ADCY2: variants seen among roughly 807,000 people sequenced by gnomAD.
ADCY2 encodes the protein adenylate cyclase 2.
Under a neutral mutation model 125.2 loss-of-function variants are expected in ADCY2, and 31 were observed. The observed-to-expected ratio is 0.25, with a 90% CI of 0.19 to 0.33. The LOEUF (loss-of-function observed/expected upper bound fraction) is 0.33, where lower values mean the gene tolerates loss of function less well. Ranked by LOEUF, ADCY2 falls within the 10% of genes least tolerant of loss-of-function variation. The pLI is 1.00. For synonymous variants in ADCY2, 512 were observed against 548.4 expected (o/e 0.93, Z 0.93); for missense variants, 904 against 1,418.2 (o/e 0.64, Z 5.82).
chr5:7,591,116 T>C (rs1736838808), intron 3 of ADCY2, among the ~76,000 whole-genome samples: 1 of 152,208 alleles, frequency 6.6e-6, no homozygotes, highest in Admixed American at 6.5e-5. Context: ...ATTAGAATAG[T>C]TTATGGAATT....
At chr5:7,565,505 T>C (rs548158141) in intron 3 of ADCY2, among the ~76,000 whole-genome samples, 201 of 152,342 alleles carry the variant, frequency 1.3e-3, no homozygotes, top group Non-Finnish European at 2.2e-3. Context: ...GAGCCGCTTA[T>C]TTTCTCCAAC....
At chr5:7,775,707 G>A (rs1413824902) in intron 18 of ADCY2, among the ~76,000 whole-genome samples, 1 of 152,176 alleles carries the variant, frequency 6.6e-6, no homozygotes, top group African/African-American at 2.4e-5. Context: ...ATTTTTAAAT[G>A]TACAATTAAG....
chr5:7,626,456 A>T, intron 4 of ADCY2, 140 bp downstream of exon 4: 1 of 959,062 alleles, frequency 1.0e-6, no homozygotes, highest in South Asian at 1.7e-5. Flanking sequence ...GCACCTGGGG[A>T]GTGTCTTAGT....
chr5:7,679,467 C>A (rs186124739), intron 4 of ADCY2, among the ~76,000 whole-genome samples: 18 of 152,270 alleles, frequency 1.2e-4, no homozygotes, highest in African/African-American at 3.9e-4. Context: ...AAGACCCCCA[C>A]TGCAGAAGAG....
chr5:7,806,205 C>A (rs1744756666), intron 22 of ADCY2, among the ~76,000 whole-genome samples: 2 of 152,074 alleles, frequency 1.3e-5, no homozygotes, highest in African/African-American at 4.8e-5. Context: ...TTTAAATATT[C>A]TATTTATAAC....
chr5:7,442,030 A>G (rs1038178335), intron 2 of ADCY2, among the ~76,000 whole-genome samples: 3 of 152,164 alleles, frequency 2.0e-5, no homozygotes, highest in African/African-American at 7.2e-5. Context: ...TATTTCTGTG[A>G]TAGGACCCTG....
intron 4 of ADCY2, among the ~76,000 whole-genome samples, chr5:7,629,761 C>G (rs1304980009): frequency 2.0e-5 from 3 of 152,152 alleles, no homozygotes; most frequent in Non-Finnish European, 4.4e-5. Context: ...GCAGATGGCT[C>G]TTATCAGACC....
chr5:7,586,187 G>T (rs1433280208), intron 3 of ADCY2, among the ~76,000 whole-genome samples: 2 of 152,192 alleles, frequency 1.3e-5, no homozygotes, highest in Non-Finnish European at 2.9e-5. Context: ...GAAAGGGAAA[G>T]TAATGTACTT....
intron 3 of ADCY2, among the ~76,000 whole-genome samples, chr5:7,569,232 C>G (rs1187798425): frequency 6.6e-6 from 1 of 151,962 alleles, no homozygotes; most frequent in Non-Finnish European, 1.5e-5. Context: ...GGGATGGTTC[C>G]AAAGCAGAGG....
At chr5:7,525,140 C>T (rs1023839138) in intron 3 of ADCY2, among the ~76,000 whole-genome samples, 2 of 152,092 alleles carry the variant, frequency 1.3e-5, no homozygotes, top group Admixed American at 6.5e-5. Flanking sequence ...GTCGCTGGGA[C>T]TACAGGCACA....
intron 22 of ADCY2, among the ~76,000 whole-genome samples, chr5:7,812,412 T>C (rs1245287760): frequency 6.6e-6 from 1 of 152,178 alleles, no homozygotes; most frequent in Non-Finnish European, 1.5e-5. Flanking sequence ...CCTTGGTCGT[T>C]GTTAAAGCTG....
chr5:7,596,029 T>G (rs923295010), intron 3 of ADCY2, among the ~76,000 whole-genome samples: 2 of 151,142 alleles, frequency 1.3e-5, no homozygotes, highest in East Asian at 3.9e-4. Context: ...TGATGCTAGT[T>G]TAATATAATC....
At chr5:7,650,249 A>ACACAC (rs1561144887) in intron 4 of ADCY2, among the ~76,000 whole-genome samples, 1 of 87,806 alleles carries the variant, frequency 1.1e-5, no homozygotes, top group Non-Finnish European at 2.8e-5. Flanking sequence ...CACACACACA[A>ACACAC]ACGCACATTC....
intron 3 of ADCY2, among the ~76,000 whole-genome samples, chr5:7,531,105 T>C (rs925416005): frequency 6.6e-6 from 1 of 152,174 alleles, no homozygotes; most frequent in Non-Finnish European, 1.5e-5. Flanking sequence ...ATAGCAGCCT[T>C]TGAAAACCCT....
intron 3 of ADCY2, among the ~76,000 whole-genome samples, chr5:7,535,358 A>G (rs1734782074): frequency 6.6e-6 from 1 of 152,238 alleles, no homozygotes; most frequent in Admixed American, 6.5e-5. Flanking sequence ...ATAGTATTAA[A>G]TGGATGCATG....
At chr5:7,487,949 A>G (rs1340631221) in intron 2 of ADCY2, among the ~76,000 whole-genome samples, 1 of 152,168 alleles carries the variant, frequency 6.6e-6, no homozygotes, top group East Asian at 1.9e-4. Flanking sequence ...TTGTGTATTC[A>G]AAACACACAT....
intron 2 of ADCY2, among the ~76,000 whole-genome samples, chr5:7,487,051 C>T (rs745773831): frequency 7.9e-5 from 12 of 152,182 alleles, no homozygotes; most frequent in South Asian, 2.1e-4. Context: ...AGCATTAGTT[C>T]GAGTTCATGC....
chr5:7,727,236 A>G lies in ADCY2; in HGVS notation c.1846A>G (p.Ile616Val). ...CTGTCTCATATTCTTCTGCATCTTCATTGTGCAGATTCTCGTGCTGCCAAA... is the reference window on the plus strand; with the variant it reads ...CTGTCTCATATTCTTCTGCATCTTCGTTGTGCAGATTCTCGTGCTGCCAAA... The part of the protein sequence containing the change: ...CACLIFFCIF[I>V]VQILVLPKTS... The change falls in exon 14 of 25, where the codon ATT becomes GTT. Residue 616 changes from isoleucine to valine, a missense_variant. Ile to Val is a conservative substitution (Grantham distance 29). Around this residue, in one of 7 missense-constraint regions of ADCY2, gnomAD observed 221 missense variants for 246.2 expected, o/e 0.90. Coordinates refer to ENST00000338316, the MANE Select transcript of ADCY2 (RefSeq NM_020546.3). 6.2e-7 allele frequency: 1 copy of G among 1,613,948 alleles called. No homozygotes were observed. The highest frequency in any genetic ancestry group is 2.2e-5 in the East Asian group (1 of 44,878).
intron 1 of ADCY2, among the ~76,000 whole-genome samples, chr5:7,406,695 T>G (rs550285283): frequency 6.6e-6 from 1 of 152,370 alleles, no homozygotes; most frequent in Admixed American, 6.5e-5. Context: ...GCTGAGTGAC[T>G]TTCTCACCTC....
Sources: gnomAD v4.1 joint callset for allele counts (sites outside exome capture counted in the v4.1 genomes callset) on GRCh38, gnomAD v4.1.1 for gene constraint, gnomAD v4.1.1 regional missense constraint, MANE v1.5 for transcripts, NCBI Gene and HGNC (gene_info 2026-07-23, HGNC 2026-07-21) for gene names.